Variants in ANKDD1B observed in about 807,000 individuals in gnomAD.
The protein encoded by ANKDD1B is ankyrin repeat and death domain-containing protein 1B.
A neutral mutation model predicts 59.7 loss-of-function variants in ANKDD1B; 57 were observed. That is an observed-to-expected ratio of 0.95 (90% CI 0.77 to 1.19). The LOEUF is 1.19. ANKDD1B is among the 50% of genes most tolerant of loss of function. The pLI, the probability that ANKDD1B is intolerant of heterozygous loss-of-function variation, is 0.00. For synonymous variants in ANKDD1B, 216 were observed against 239.5 expected, an observed-to-expected ratio of 0.90 and a Z score of 0.91; for missense variants, 602 against 641.9, an observed-to-expected ratio of 0.94 and a Z score of 0.67.
chr5:75,641,300 A>G (rs1477027637), intron 7 of ANKDD1B, among the ~76,000 whole-genome samples: 3 of 152,232 alleles, frequency 2.0e-5, no homozygotes, highest in African/African-American at 7.2e-5. Context: ...CCAGTGCCTC[A>G]GCTTTTAACC....
rs773851670 is a variant in ANKDD1B, at chr5:75,653,178, G to A, written c.835G>A (p.Gly279Ser). 132 of 1,535,882 alleles carry A rather than the reference G, an allele frequency of 8.6e-5. No individual in the cohort carries two copies. Among genetic ancestry groups the A allele is most frequent in the Middle Eastern group, 3.3e-4 (2 of 6,012 alleles). The change falls in exon 8 of 14, where the codon GGC (glycine) becomes AGC (serine). Residue 279 changes from glycine (G) to serine (S), a missense_variant. Physicochemically the swap from Gly to Ser is moderately conservative, Grantham distance 56 (BLOSUM62 0). This residue lies in a region of ANKDD1B where 280 missense variants were observed against 319.8 expected (regional missense o/e 0.88). Transcript: ENST00000601380. ...TAGTTTGCAGATAGCAACCAGGAAC[G>A]GCCATGCATCCCTTGTCAACTTTCT... ...ISSLQIATRN[G>S]HASLVNFLLS...
intron 7 of ANKDD1B, among the ~76,000 whole-genome samples, chr5:75,637,678 A>T (rs1186713688): frequency 6.6e-6 from 1 of 152,238 alleles, no homozygotes; most frequent in Non-Finnish European, 1.5e-5. Flanking sequence ...AGTTTTTTAC[A>T]TGCATATATA....
chr5:75,636,748 G>A (rs1485588963), intron 7 of ANKDD1B, among the ~76,000 whole-genome samples: 2 of 152,280 alleles, frequency 1.3e-5, no homozygotes, highest in Non-Finnish European at 1.5e-5. Flanking sequence ...ACAGGATGAA[G>A]TGGTAGGAGG....
chr5:75,647,953 G>A, intron 7 of ANKDD1B, among the ~76,000 whole-genome samples: 1 of 115,410 alleles, frequency 8.7e-6, no homozygotes, highest in Non-Finnish European at 1.6e-5. Flanking sequence ...TCCTTTGTAG[G>A]GACATGGATG....
chr5:75,629,431 C>A (rs551626449), intron 5 of ANKDD1B, among the ~76,000 whole-genome samples: 1 of 152,040 alleles, frequency 6.6e-6, no homozygotes, highest in East Asian at 1.9e-4. Flanking sequence ...CTCCTAAGAG[C>A]GACACATCTC....
chr5:75,612,916 G>A (rs1773609023), intron 1 of ANKDD1B, among the ~76,000 whole-genome samples: 1 of 152,106 alleles, frequency 6.6e-6, no homozygotes. Flanking sequence ...AAACCCTAGG[G>A]CATTCTAATA....
chr5:75,656,956 A>G (rs1435760068), intron 9 of ANKDD1B, among the ~76,000 whole-genome samples: 1 of 152,164 alleles, frequency 6.6e-6, no homozygotes, highest in Non-Finnish European at 1.5e-5. Context: ...CTATGAGCTC[A>G]ATTTTGCTCT....
intron 7 of ANKDD1B, among the ~76,000 whole-genome samples, chr5:75,636,314 G>A (rs1006036333): frequency 3.3e-5 from 5 of 152,138 alleles, no homozygotes; most frequent in African/African-American, 1.2e-4. Flanking sequence ...ATGAACGTTG[G>A]CAGGAGGGAT....
chr5:75,656,845 G>A (rs1216688265), intron 9 of ANKDD1B, among the ~76,000 whole-genome samples: 11 of 152,214 alleles, frequency 7.2e-5, no homozygotes, highest in African/African-American at 2.4e-5. Flanking sequence ...TGCCCTTCCG[G>A]CTAGGGAGGA....
intron 1 of ANKDD1B, among the ~76,000 whole-genome samples, chr5:75,615,728 A>G (rs1773699956): frequency 6.6e-6 from 1 of 151,512 alleles, no homozygotes; most frequent in Non-Finnish European, 1.5e-5. Flanking sequence ...TTATAGGGAC[A>G]CCAATCATTA....
At position 75,616,863 on chromosome 5, in the gene ANKDD1B, G is replaced by A. The variant is rs1336227924; in HGVS notation, c.253G>A (p.Glu85Lys). 6.5e-6 allele frequency: 10 copies of A among 1,532,812 alleles called. No individual in the cohort carries two copies. Among genetic ancestry groups the A allele is most frequent in the Admixed American group, 2.0e-5 (1 of 50,908 alleles). 95.0% of individuals were successfully genotyped at this position (1,532,812 alleles called of 1,614,324 possible). A position where few individuals can be genotyped will look rare whatever the true frequency, so the allele number is the denominator to read the frequency against. ...AAKSNNLDLM[E>K]KLFEKKVNIN... Reference sequence around the variant, plus strand: ...TAAAAGCAATAATTTGGATCTTATGGAGAAGCTGTTTGAAAAGAAGGTTAA... The same window carrying A: ...TAAAAGCAATAATTTGGATCTTATGAAGAAGCTGTTTGAAAAGAAGGTTAA... Residue 85 changes from glutamate (E) to lysine (K), a missense_variant, in exon 2 of 14, where the codon GAG becomes AAG. Glu to Lys is a moderately conservative substitution (Grantham distance 56, BLOSUM62 1). Coordinates refer to ENST00000601380, the MANE Select transcript of ANKDD1B (RefSeq NM_001276713.2).
intron 3 of ANKDD1B, among the ~76,000 whole-genome samples, chr5:75,620,811 C>G (rs1173382590): frequency 2.6e-5 from 4 of 152,126 alleles, no homozygotes; most frequent in African/African-American, 9.7e-5. Flanking sequence ...GGGGTAAGCC[C>G]AGGAGCACAC....
Position 75,628,967 on chromosome 5 carries a change from G to T in ANKDD1B, c.600+3012G>T, listed in dbSNP as rs149841516. On this transcript the variant is annotated intron_variant, in intron 5 of 13. Transcript: ENST00000601380. ...GGCCTCACACGCCATTCATATATTTGTTGAATATTTACAAGAATTTGGTGG... is the reference window on the plus strand; with the variant it reads ...GGCCTCACACGCCATTCATATATTTTTTGAATATTTACAAGAATTTGGTGG... Among the ~76,000 whole-genome samples, 5 of 152,298 alleles carry T rather than the reference G, an allele frequency of 3.3e-5. No homozygotes were observed. The East Asian group carries it at 9.6e-4, about 29-fold the overall frequency.
Position 75,653,232 on chromosome 5 carries a change from A to G in ANKDD1B, c.889A>G (p.Lys297Glu). 1 of 1,535,880 alleles carries G rather than the reference A, an allele frequency of 6.5e-7. No individual in the cohort carries two copies. The highest frequency in any genetic ancestry group is 1.2e-5 in the South Asian group (1 of 84,046). ...LLSENVDLHQ[K>E]VEPKESPLHL... ...CAGTGAGAACGTTGATCTGCACCAG[A>G]AAGTGGAAGTGAGTTTATTCCAATG... is the stretch of plus-strand genomic sequence containing the variant. The change falls in exon 8 of 14, where the codon AAA (lysine) becomes GAA (glutamate). Residue 297 changes from lysine (K) to glutamate (E), a missense_variant. Physicochemically the swap from Lys to Glu is moderately conservative, Grantham distance 56. This residue lies in a region of ANKDD1B where 280 missense variants were observed against 319.8 expected (regional missense o/e 0.88). Transcript: ENST00000601380.
intron 8 of ANKDD1B, among the ~76,000 whole-genome samples, chr5:75,654,848 C>T (rs1183512049): frequency 6.6e-6 from 1 of 152,160 alleles, no homozygotes; most frequent in African/African-American, 2.4e-5. Context: ...TCCCTCTCGC[C>T]ACTCGCTTCA....
In ANKDD1B at chr5:75,620,322, G is replaced by T. The variant is rs191940699; in HGVS notation, c.305G>T (p.Arg102Leu). 70 of 1,519,590 alleles carry T rather than the reference G, an allele frequency of 4.6e-5. No individual in the cohort carries two copies. In the East Asian group the frequency reaches 1.6e-3, roughly 34 times the overall value. 94.1% of individuals were successfully genotyped at this position (1,519,590 alleles called of 1,614,324 possible). ...VNINVVNNMN[R>L]TALHFAVGRN... ...TAAATTATGCTTCCTCAGATGAACC[G>T]CACAGCCCTGCATTTTGCAGTGGGG... Residue 102 changes from arginine to leucine, a missense_variant, in exon 3 of 14, where the codon CGC (arginine) becomes CTC (leucine). Around this residue, in one of 3 missense-constraint regions of ANKDD1B, gnomAD observed 317 missense variants for 304.6 expected, o/e 1.04. Coordinates refer to ENST00000601380, the MANE Select transcript of ANKDD1B (RefSeq NM_001276713.2).
intron 1 of ANKDD1B, among the ~76,000 whole-genome samples, chr5:75,614,899 G>C (rs2112558): frequency 0.027 from 4,063 of 152,306 alleles, 176 homozygotes; most frequent in African/African-American, 0.092. Context: ...TGACCAACTA[G>C]TCTAATGGAG....
intron 13 of ANKDD1B, 25 bp downstream of exon 13, chr5:75,669,408 A>G: frequency 8.1e-7 from 1 of 1,231,766 alleles, no homozygotes; most frequent in Middle Eastern, 3.1e-4. Context: ...CAACAACAGA[A>G]ATTCTTTCTC....
intron 1 of ANKDD1B, among the ~76,000 whole-genome samples, chr5:75,615,922 T>C (rs901563796): frequency 2.3e-4 from 35 of 152,178 alleles, no homozygotes; most frequent in African/African-American, 8.0e-4. Flanking sequence ...TGGTCCTTGA[T>C]TGGACTTGGC....
Sources: allele counts gnomAD v4.1 joint callset (sites outside exome capture counted in the v4.1 genomes callset), GRCh38; gene constraint gnomAD v4.1.1; regional missense constraint gnomAD v4.1.1; transcripts MANE v1.5; gene names NCBI Gene and HGNC (gene_info 2026-07-23, HGNC 2026-07-21).